The following TFCP2 variants were observed in gnomAD, a reference collection of about 807,000 sequenced individuals.
TFCP2 encodes the protein alpha-globin transcription factor CP2.
In TFCP2, 33 loss-of-function variants were observed where a neutral mutation model predicts 73.4. The observed-to-expected ratio is 0.45, with a 90% confidence interval of 0.34 to 0.60. TFCP2 has a LOEUF of 0.60. TFCP2 is among the 20% of genes least tolerant of loss of function. TFCP2 has a pLI of 0.01. For synonymous variants in TFCP2, 193 were observed against 211.6 expected (o/e 0.91, Z 0.76); for missense variants, 352 against 604.0 (o/e 0.58, Z 4.37).
intron 7 of TFCP2, 89 bp downstream of exon 7, chr12:51,107,144 TAGG>T (rs1407168818): frequency 2.0e-6 from 2 of 1,023,902 alleles, no homozygotes; most frequent in Non-Finnish European, 2.9e-6. Flanking sequence ...CCTCAAGGCT[TAGG>T]AGAAGTAAAT....
Position 51,096,172 on chromosome 12 carries a change from C to G in TFCP2, c.1420-132G>C. 7.7e-6 allele frequency: 5 copies of G among 652,740 alleles called. No individual in the cohort carries two copies. The South Asian group carries it at 1.2e-4, about 16-fold the overall frequency. 40.4% of individuals were successfully genotyped at this position (652,740 alleles called of 1,614,324 possible). ...TTTACAGGTCACAAATAATGTATTT[C>G]TTGAATATCTAGGATCATAAAAGTT... On this transcript the variant is annotated intron_variant, in intron 13 of 14. Coordinates refer to ENST00000257915, the MANE Select transcript of TFCP2 (RefSeq NM_005653.5).
At position 51,095,249 on chromosome 12, in the gene TFCP2, G is replaced by A. The variant is rs1284436819; in HGVS notation, c.1501C>T (p.Leu501=). ...CACGAAACGCCGCACTCCTACTTCAGTATGATATGATAGCTATCATTGGTT... is the reference window on the plus strand; with the variant it reads ...CACGAAACGCCGCACTCCTACTTCAATATGATATGATAGCTATCATTGGTT... ...AETNDSYHII[L]K The change falls in exon 15 of 15, where the codon CTG becomes TTG. Residue 501 remains leucine, a synonymous_variant. Coordinates refer to ENST00000257915, the MANE Select transcript of TFCP2 (RefSeq NM_005653.5). The A allele has an allele frequency of 3.1e-6, 5 of 1,614,078 alleles. No individual in the cohort carries two copies. The highest frequency in any genetic ancestry group is 4.2e-6 in the Non-Finnish European group (5 of 1,180,026).
intron 1 of TFCP2, among the ~76,000 whole-genome samples, chr12:51,142,228 A>G (rs930298932): frequency 1.4e-5 from 2 of 146,740 alleles, no homozygotes; most frequent in Non-Finnish European, 3.0e-5. Context: ...AAAAAAAAAA[A>G]GTCTTTATAA....
chr12:51,126,190 G>GCTACTGCA (rs1566213411), intron 1 of TFCP2, among the ~76,000 whole-genome samples: 1 of 135,296 alleles, frequency 7.4e-6, no homozygotes, highest in African/African-American at 2.8e-5. Flanking sequence ...CCGAGATTGC[G>GCTACTGCA]CTACTGCACT....
intron 1 of TFCP2, among the ~76,000 whole-genome samples, chr12:51,165,672 G>A (rs747263180): frequency 6.6e-5 from 10 of 152,174 alleles, no homozygotes; most frequent in Non-Finnish European, 1.3e-4. Context: ...TCTGAAGACA[G>A]ATCATGGTGA....
intron 4 of TFCP2, 74 bp from the exon 5 acceptor site, chr12:51,111,057 A>T: frequency 9.9e-7 from 1 of 1,014,776 alleles, no homozygotes; most frequent in Non-Finnish European, 1.6e-6. Context: ...ATTGATTCTT[A>T]TATTACTCAA....
chr12:51,097,619 TATG>T (rs1272950126), intron 13 of TFCP2, among the ~76,000 whole-genome samples: 4 of 152,176 alleles, frequency 2.6e-5, no homozygotes, highest in African/African-American at 7.2e-5. Flanking sequence ...ATTGTATAAT[TATG>T]ATAATTCCAT....
At chr12:51,095,349 G>T in intron 14 of TFCP2, 71 bp from the exon 15 acceptor site, 4 of 1,525,296 alleles carry the variant, frequency 2.6e-6, no homozygotes, top group Admixed American at 3.3e-5. Flanking sequence ...AAAAAAGTAT[G>T]GTAAGATTCT....
rs373610339 is a variant in TFCP2 at position 51,117,627 on chromosome 12, A to G, written c.351+44T>C. 51 of 1,460,546 alleles carry G rather than the reference A, an allele frequency of 3.5e-5. No homozygotes were observed. In the African/African-American group the frequency reaches 6.2e-4, roughly 18 times the overall value. The allele number at this position is 1,460,546 out of a possible 1,614,324, so 90.5% of individuals were successfully genotyped here. A position where few individuals can be genotyped will look rare whatever the true frequency, so the allele number is the denominator to read the frequency against. ...CAACAAAATTTAAAATCCCAAAAGG[A>G]TTAGTAAAAAATATTGTACAGAAGA... On this transcript the variant is annotated intron_variant, in intron 3 of 14. Coordinates refer to ENST00000257915, the MANE Select transcript of TFCP2 (RefSeq NM_005653.5).
intron 13 of TFCP2, among the ~76,000 whole-genome samples, chr12:51,097,248 CCTT>C (rs570660752): frequency 6.8e-4 from 103 of 150,422 alleles, no homozygotes; most frequent in African/African-American, 2.4e-3. Flanking sequence ...CTGTGCCTGG[CCTT>C]CTTTTTTTCT....
intron 1 of TFCP2, among the ~76,000 whole-genome samples, chr12:51,121,190 G>C (rs959253355): frequency 6.6e-6 from 1 of 152,032 alleles, no homozygotes; most frequent in East Asian, 1.9e-4. Flanking sequence ...GGAGGCCAAG[G>C]GGGGCAGATC....
intron 1 of TFCP2, among the ~76,000 whole-genome samples, chr12:51,141,131 C>T (rs1436087813): frequency 6.7e-6 from 1 of 149,760 alleles, no homozygotes; most frequent in Non-Finnish European, 1.5e-5. Context: ...GGGGTCTCAC[C>T]ATCTTGCCTA....
intron 1 of TFCP2, among the ~76,000 whole-genome samples, chr12:51,128,551 T>C (rs181038668): frequency 2.0e-5 from 3 of 152,166 alleles, no homozygotes; most frequent in Middle Eastern, 3.4e-3. Flanking sequence ...TCCATTTTCC[T>C]TTTTTTATAT....
intron 1 of TFCP2, chr12:51,124,916 G>A (rs748669580): frequency 4.3e-5 from 38 of 881,126 alleles, no homozygotes; most frequent in South Asian, 3.7e-4. Flanking sequence ...AGGACACGTC[G>A]TCCAGGATGA....
rs561235168 is a variant in TFCP2 at position 51,119,653 on chromosome 12, G to A, written c.123-881C>T. Among the ~76,000 whole-genome samples, 4 of 151,950 alleles carry A rather than the reference G, an allele frequency of 2.6e-5. No individual in the cohort carries two copies. In the South Asian group the frequency reaches 8.3e-4, roughly 32 times the overall value. On this transcript the variant is annotated intron_variant, in intron 1 of 14. Transcript: ENST00000257915. ...TAATCCCAGCTACTCAAGAGGCTGA[G>A]GCAGGAGAACTGCTTGAACCCGGGA...
intron 1 of TFCP2, among the ~76,000 whole-genome samples, chr12:51,119,970 G>C (rs1228182164): frequency 2.6e-5 from 4 of 151,664 alleles, no homozygotes; most frequent in Non-Finnish European, 5.9e-5. Flanking sequence ...CCTGAGGTCA[G>C]GAGTTTGAGA....
At chr12:51,132,276 C>G (rs540447304) in intron 1 of TFCP2, among the ~76,000 whole-genome samples, 2 of 149,662 alleles carry the variant, frequency 1.3e-5, no homozygotes, top group Non-Finnish European at 3.0e-5. Context: ...TCCTTCCACA[C>G]TGGATCTGGG....
At chr12:51,150,096 T>C (rs922429856) in intron 1 of TFCP2, among the ~76,000 whole-genome samples, 1 of 152,178 alleles carries the variant, frequency 6.6e-6, no homozygotes, top group Non-Finnish European at 1.5e-5. Flanking sequence ...TGTCTTTATA[T>C]TTTTACAGCA....
rs369097526 is a variant in TFCP2 at position 51,104,110 on chromosome 12, T to G, written c.966+45A>C. ...CTACTGAATTGGACAGTCATCAAAG[T>G]ATTACCAGACATTGCAAGTAACTGA... On this transcript the variant is annotated intron_variant, in intron 9 of 14. Transcript: ENST00000257915. The G allele has an allele frequency of 1.1e-5, 17 of 1,580,518 alleles. No homozygotes were observed. The African/African-American group carries it at 2.3e-4, about 21-fold the overall frequency.
Sources: allele counts gnomAD v4.1 joint callset (sites outside exome capture counted in the v4.1 genomes callset), GRCh38; gene constraint gnomAD v4.1.1; transcripts MANE v1.5; gene names NCBI Gene and HGNC (gene_info 2026-07-23, HGNC 2026-07-21).